The following MLLT10 variants were observed in gnomAD, a reference collection of about 807,000 sequenced individuals.
MLLT10 encodes MLLT10 histone lysine methyltransferase DOT1L cofactor.
In MLLT10, 30 loss-of-function variants were observed where a neutral mutation model predicts 129.1. The ratio of observed to expected loss-of-function variants is 0.23; its 90% CI spans 0.17 to 0.32. The LOEUF is 0.32. MLLT10 is among the 10% of genes least tolerant of loss of function. The pLI, the probability that MLLT10 is intolerant of heterozygous loss-of-function variation, is 1.00. For synonymous variants in MLLT10, 490 were observed against 446.4 expected (o/e 1.10, Z -1.23); for missense variants, 1,119 against 1,268.3 (o/e 0.88, Z 1.79).
chr10:21,593,796 G>A lies in MLLT10; in HGVS notation c.296-1535G>A, dbSNP rs538374569. Among the ~76,000 whole-genome samples, 26 of 151,668 alleles carry A rather than the reference G, an allele frequency of 1.7e-4. No homozygotes were observed. In the South Asian group the frequency reaches 5.2e-3, roughly 30 times the overall value. ...ACAAAAATTAGCCCCGTGTGGTGGTGGGCACCTGTAATCCCAGCTACTTGG... is the reference window on the plus strand; with the variant it reads ...ACAAAAATTAGCCCCGTGTGGTGGTAGGCACCTGTAATCCCAGCTACTTGG... On this transcript the variant is annotated intron_variant, in intron 4 of 22. Transcript: ENST00000307729.
chr10:21,673,309 ACCCCCCAACTT>A (rs774184387), intron 10 of MLLT10, 30 bp from the exon 11 acceptor site: 39 of 99,688 alleles, frequency 3.9e-4, no homozygotes, highest in Non-Finnish European at 6.1e-4. Context: ...TGTCCCCCCC[ACCCCCCAACTT>A]TTTTTTTTTT....
At chr10:21,565,844 G>T (rs2039483340) in intron 3 of MLLT10, among the ~76,000 whole-genome samples, 1 of 151,202 alleles carries the variant, frequency 6.6e-6, no homozygotes, top group Non-Finnish European at 1.5e-5. Flanking sequence ...GGGCTCAAGA[G>T]ACCCTCCTGT....
At chr10:21,731,154 G>C in intron 17 of MLLT10, 100 bp downstream of exon 17, 1 of 1,078,578 alleles carries the variant, frequency 9.3e-7, no homozygotes, top group Non-Finnish European at 1.3e-6. Context: ...GTAGTAATGG[G>C]ATTATGATAT....
chr10:21,668,440 GA>G (rs2051060342), intron 9 of MLLT10, among the ~76,000 whole-genome samples: 1 of 152,060 alleles, frequency 6.6e-6, no homozygotes, highest in Non-Finnish European at 1.5e-5. Flanking sequence ...AATTAAAATA[GA>G]TGTTTCTCTT....
At chr10:21,644,500 C>CTT (rs934637278) in intron 8 of MLLT10, among the ~76,000 whole-genome samples, 4 of 152,140 alleles carry the variant, frequency 2.6e-5, no homozygotes, top group Middle Eastern at 3.4e-3. Context: ...GCAGTATGCA[C>CTT]TTTTTGGTAG....
intron 9 of MLLT10, among the ~76,000 whole-genome samples, chr10:21,656,078 A>G (rs949894160): frequency 5.9e-5 from 9 of 152,162 alleles, no homozygotes. Context: ...GGCAAATAAG[A>G]TGAGGCCTTG....
intron 8 of MLLT10, among the ~76,000 whole-genome samples, chr10:21,624,278 C>G (rs1465008931): frequency 6.6e-6 from 1 of 152,100 alleles, no homozygotes; most frequent in Non-Finnish European, 1.5e-5. Flanking sequence ...TTCTTCAAAA[C>G]CACAGGTTCT....
chr10:21,534,307 C>CG lies in MLLT10; in HGVS notation c.-214_-213insG, dbSNP rs2033360005. 3.2e-6 allele frequency: 1 copy of CG among 309,912 alleles called. No individual in the cohort carries two copies. The highest frequency in any genetic ancestry group is 3.1e-5 in the African/African-American group (1 of 32,744). The allele number at this position is 309,912 out of a possible 1,614,324, so 19.2% of individuals were successfully genotyped here. ...CTCGCTGCCCCTGGCCCAGCGGGAG[C>CG]CCCCCCTCCCCCCAGTGCGCCTGTG... On this transcript the variant is annotated 5_prime_UTR_variant, in exon 1 of 23. Coordinates refer to ENST00000307729, the MANE Select transcript of MLLT10 (RefSeq NM_001195626.3).
At chr10:21,731,554 C>G (rs1162742343) in intron 17 of MLLT10, among the ~76,000 whole-genome samples, 1 of 152,126 alleles carries the variant, frequency 6.6e-6, no homozygotes, top group Non-Finnish European at 1.5e-5. Context: ...TTGCTCACCT[C>G]TGGAAAACTT....
At chr10:21,636,128 T>C (rs2047438908) in intron 8 of MLLT10, among the ~76,000 whole-genome samples, 1 of 152,020 alleles carries the variant, frequency 6.6e-6, no homozygotes, top group African/African-American at 2.4e-5. Context: ...TTTGTTGTTG[T>C]TGTTGTTTTT....
At chr10:21,717,865 C>G (rs1440623923) in intron 14 of MLLT10, among the ~76,000 whole-genome samples, 2 of 138,870 alleles carry the variant, frequency 1.4e-5, no homozygotes, top group Non-Finnish European at 3.1e-5. Flanking sequence ...CCTCCTCCTT[C>G]TCCTCCTCCT....
At chr10:21,698,493 C>T (rs969779881) in intron 13 of MLLT10, among the ~76,000 whole-genome samples, 1 of 152,126 alleles carries the variant, frequency 6.6e-6, no homozygotes, top group Non-Finnish European at 1.5e-5. Context: ...AGGTTGATTC[C>T]ATATCTTTGC....
At chr10:21,565,208 A>C (rs1299847621) in intron 3 of MLLT10, among the ~76,000 whole-genome samples, 1 of 152,082 alleles carries the variant, frequency 6.6e-6, no homozygotes, top group East Asian at 1.9e-4. Context: ...TTCTTTAATT[A>C]ATGTTTGCAT....
At chr10:21,685,044 T>G (rs1369029369) in intron 13 of MLLT10, among the ~76,000 whole-genome samples, 1 of 152,168 alleles carries the variant, frequency 6.6e-6, no homozygotes, top group East Asian at 1.9e-4. Flanking sequence ...TTTTAATACT[T>G]CTGGGTTCTC....
Position 21,717,814 on chromosome 10 carries a change from C to A in MLLT10, c.1878+3864C>A, listed in dbSNP as rs570523482. ...TCTTCTTCTTCTCCTTCTTCTTCTCCTTCTTCTCCTCCTTCTCCTCCTCCT... is the reference window on the plus strand; with the variant it reads ...TCTTCTTCTTCTCCTTCTTCTTCTCATTCTTCTCCTCCTTCTCCTCCTCCT... On this transcript the variant is annotated intron_variant, in intron 14 of 22. Coordinates refer to ENST00000307729, the MANE Select transcript of MLLT10 (RefSeq NM_001195626.3). Among the ~76,000 whole-genome samples, 5 of 142,638 alleles carry A rather than the reference C, an allele frequency of 3.5e-5. No individual in the cohort carries two copies. In the East Asian group the frequency reaches 1.1e-3, roughly 31 times the overall value. The allele number at this position is 142,638 out of a possible 152,430, so 93.6% of individuals were successfully genotyped here. A position where few individuals can be genotyped will look rare whatever the true frequency, so the allele number is the denominator to read the frequency against.
rs993493277 is a variant in MLLT10 at position 21,613,192 on chromosome 10, C to CAAAAA, written c.509+763_509+767dup. 9.7e-4 allele frequency among the ~76,000 whole-genome samples: 24 copies of CAAAAA among 24,634 alleles called. 3 individuals are homozygous for CAAAAA. The highest frequency in any genetic ancestry group is 2.8e-3 in the African/African-American group (20 of 7,212). The allele number at this position is 24,634 out of a possible 152,430, so 16.2% of individuals were successfully genotyped here. On this transcript the variant is annotated intron_variant, in intron 6 of 22. Transcript: ENST00000307729. The stretch of plus-strand genomic sequence containing the variant: ...CTGGCGACAAACCAAGACTCTGTCT[C>CAAAAA]AAAAAAAAAAAAAAAAAAAAAAAAA...
chr10:21,686,526 A>G (rs376412506), intron 13 of MLLT10, among the ~76,000 whole-genome samples: 5 of 152,200 alleles, frequency 3.3e-5, no homozygotes, highest in East Asian at 3.8e-4. Context: ...CTTTGTATCA[A>G]TATTATTCTT....
chr10:21,733,822 C>A lies in MLLT10; in HGVS notation c.2551C>A (p.Pro851Thr). The A allele has an allele frequency of 3.1e-6, 5 of 1,614,138 alleles. No individual in the cohort carries two copies. Among genetic ancestry groups the A allele is most frequent in the Non-Finnish European group, 4.2e-6 (5 of 1,180,026 alleles). Residue 851 changes from proline (P) to threonine (T), a missense_variant, in exon 20 of 23, where the codon CCT (proline) becomes ACT (threonine). Coordinates refer to ENST00000307729, the MANE Select transcript of MLLT10 (RefSeq NM_001195626.3). ...TSSSSALSTP[P>T]PAGQSPAQQG... ...CAGCTCATCAGCTCTTTCTACCCCA[C>A]CTCCTGCTGGGCAGAGTCCGGCTCA...
At chr10:21,614,140 C>T (rs1423964655) in intron 6 of MLLT10, among the ~76,000 whole-genome samples, 1 of 150,212 alleles carries the variant, frequency 6.7e-6, no homozygotes, top group East Asian at 2.0e-4. Flanking sequence ...ATTGCCTGAG[C>T]CCAGGAGGTT....
Sources: gnomAD v4.1 joint callset for allele counts (sites outside exome capture counted in the v4.1 genomes callset) on GRCh38, gnomAD v4.1.1 for gene constraint, MANE v1.5 for transcripts, NCBI Gene and HGNC (gene_info 2026-07-23, HGNC 2026-07-21) for gene names.